The following MPV17L variants were observed in gnomAD, a reference collection of about 807,000 sequenced individuals.
MPV17L encodes MPV17 mitochondrial inner membrane protein like.
MPV17L carries 24 observed loss-of-function variants against 25.8 expected under a neutral mutation model. That is an observed-to-expected ratio of 0.93 (90% CI 0.67 to 1.31). The LOEUF (loss-of-function observed/expected upper bound fraction) is 1.31. Ranked by LOEUF, MPV17L falls within the 50% of genes most tolerant of loss-of-function variation. The pLI is 0.00. For missense variants in MPV17L, 250 were observed against 265.6 expected, an observed-to-expected ratio of 0.94 and a Z score of 0.41; for synonymous variants, 102 against 115.3, an observed-to-expected ratio of 0.88 and a Z score of 0.74.
chr16:15,413,189 G>T lies in MPV17L; in HGVS notation c.*5077G>T, dbSNP rs1162479266. The T allele has an allele frequency of 3.3e-5, 5 of 152,128 alleles. No homozygotes were observed. The highest frequency in any genetic ancestry group is 7.4e-5 in the Non-Finnish European group (5 of 68,018). The allele number at this position is 152,128 out of a possible 1,614,324, so 9.4% of individuals were successfully genotyped here. A position where few individuals can be genotyped will look rare whatever the true frequency, so the allele number is the denominator to read the frequency against. On this transcript the variant is annotated 3_prime_UTR_variant, in exon 4 of 4. Coordinates refer to ENST00000396385, the MANE Select transcript of MPV17L (RefSeq NM_001128423.2). ...TTTTGTGCCTGAAGATTTTGATGTT[G>T]CATTTGGCTACATTTAATCCACTTT...
At position 15,409,842 on chromosome 16, in the gene MPV17L, A is replaced by G. The variant is rs1366932603; in HGVS notation, c.*1730A>G. ...AAGTACATTTTTTATTATCAAAAAC[A>G]GAGTAGTGTATGATTGGCGTATTCT... On this transcript the variant is annotated 3_prime_UTR_variant, in exon 4 of 4. Transcript: ENST00000396385. The G allele has an allele frequency of 6.6e-6, 1 of 152,238 alleles. No homozygotes were observed. Among genetic ancestry groups the G allele is most frequent in the Non-Finnish European group, 1.5e-5 (1 of 68,046 alleles). 9.4% of individuals were successfully genotyped at this position (152,238 alleles called of 1,614,324 possible).
chr16:15,406,833 G>A (rs2050684837), intron 2 of MPV17L, among the ~76,000 whole-genome samples: 1 of 152,118 alleles, frequency 6.6e-6, no homozygotes, highest in Non-Finnish European at 1.5e-5. Context: ...AGCTGAGGCA[G>A]GAGAACTGCT....
In MPV17L at chr16:15,401,058, GTATATATATA is replaced by G. The variant is rs548012835; in HGVS notation, c.381+221_381+230del. 6.1e-3 allele frequency among the ~76,000 whole-genome samples: 268 copies of G among 44,230 alleles called. 19 individuals carry two copies. The highest frequency in any genetic ancestry group is 7.0e-3 in the South Asian group (6 of 862). The allele number at this position is 44,230 out of a possible 152,430, so 29.0% of individuals were successfully genotyped here. On this transcript the variant is annotated intron_variant, in intron 2 of 3. Transcript: ENST00000396385. ...TCAGGATTTTTTTGTATGTGTGTGTGTATATATATATATATATATATATATATATTTTTTT... is the reference window on the plus strand; with the variant it reads ...TCAGGATTTTTTTGTATGTGTGTGTGTATATATATATATATATATTTTTTT...
In MPV17L at chr16:15,401,080, ATATATATT is replaced by A. The variant is rs1247986163; in HGVS notation, c.381+225_381+232del. On this transcript the variant is annotated intron_variant, in intron 2 of 3. Transcript: ENST00000396385. ...TGTGTATATATATATATATATATAT[ATATATATT>A]TTTTTTTTTTTTTTTTTTTTTTTAA... 5.1e-4 allele frequency among the ~76,000 whole-genome samples: 17 copies of A among 33,088 alleles called. No homozygotes were observed. The South Asian group carries it at 5.7e-3, about 11-fold the overall frequency. The allele number at this position is 33,088 out of a possible 152,430, so 21.7% of individuals were successfully genotyped here. A position where few individuals can be genotyped will look rare whatever the true frequency, so the allele number is the denominator to read the frequency against.
chr16:15,412,561 A>T lies in MPV17L; in HGVS notation c.*4449A>T, dbSNP rs2050742057. The T allele has an allele frequency of 1.3e-5, 2 of 151,178 alleles. No individual in the cohort carries two copies. The highest frequency in any genetic ancestry group is 2.9e-5 in the Non-Finnish European group (2 of 67,890). The allele number at this position is 151,178 out of a possible 1,614,324, so 9.4% of individuals were successfully genotyped here. ...TGTAGACAGTCTCTTTAATAGAGAGATTATCTGGAACTGCAATTTTTTTTT... is the reference window on the plus strand; with the variant it reads ...TGTAGACAGTCTCTTTAATAGAGAGTTTATCTGGAACTGCAATTTTTTTTT... On this transcript the variant is annotated 3_prime_UTR_variant, in exon 4 of 4. Transcript: ENST00000396385.
intron 2 of MPV17L, among the ~76,000 whole-genome samples, chr16:15,404,020 G>T (rs1000704784): frequency 6.6e-6 from 1 of 151,686 alleles, no homozygotes; most frequent in African/African-American, 2.4e-5. Context: ...ACAAAAATTA[G>T]CATGAGCCCA....
At chr16:15,398,648 A>G (rs554067635) in intron 1 of MPV17L, among the ~76,000 whole-genome samples, 2 of 145,126 alleles carry the variant, frequency 1.4e-5, no homozygotes, top group South Asian at 4.3e-4. Context: ...GAGTGCAATG[A>G]CACAATCTCA....
chr16:15,408,392 A>T lies in MPV17L; in HGVS notation c.*280A>T, dbSNP rs917906039. ...TTATTAATATTTCTAATATTTTAAC[A>T]CAAGTTTCAGGAAACTTGGTTTTGA... On this transcript the variant is annotated 3_prime_UTR_variant, in exon 4 of 4. Transcript: ENST00000396385. The T allele has an allele frequency of 3.7e-6, 1 of 269,158 alleles. No homozygotes were observed. The highest frequency in any genetic ancestry group is 6.9e-6 in the Non-Finnish European group (1 of 144,400). The allele number at this position is 269,158 out of a possible 1,614,324, so 16.7% of individuals were successfully genotyped here. A position where few individuals can be genotyped will look rare whatever the true frequency, so the allele number is the denominator to read the frequency against.
chr16:15,411,122 CT>C lies in MPV17L; in HGVS notation c.*3011del, dbSNP rs1179734449. On this transcript the variant is annotated 3_prime_UTR_variant, in exon 4 of 4. Coordinates refer to ENST00000396385, the MANE Select transcript of MPV17L (RefSeq NM_001128423.2). Reference sequence around the variant, plus strand: ...TGGCGGGCGCCTGTAGTCCCAGCTGCTCTGGAGGCTGAGGCAGGAGAATTGC... The same window carrying C: ...TGGCGGGCGCCTGTAGTCCCAGCTGCCTGGAGGCTGAGGCAGGAGAATTGC... 3 of 152,256 alleles carry C rather than the reference CT, an allele frequency of 2.0e-5. No homozygotes were observed. The highest frequency in any genetic ancestry group is 7.2e-5 in the African/African-American group (3 of 41,428). 9.4% of individuals were successfully genotyped at this position (152,256 alleles called of 1,614,324 possible). A position where few individuals can be genotyped will look rare whatever the true frequency, so the allele number is the denominator to read the frequency against.
chr16:15,398,463 T>C (rs928910002), intron 1 of MPV17L, among the ~76,000 whole-genome samples: 2 of 152,168 alleles, frequency 1.3e-5, no homozygotes, highest in African/African-American at 4.8e-5. Context: ...TTTGACAGTT[T>C]GCCTGAAACT....
At chr16:15,407,596 G>C (rs1446932215) in intron 2 of MPV17L, among the ~76,000 whole-genome samples, 1 of 152,070 alleles carries the variant, frequency 6.6e-6, no homozygotes, top group African/African-American at 2.4e-5. Flanking sequence ...ACAAAAATTA[G>C]CCAGGTGAGG....
intron 2 of MPV17L, among the ~76,000 whole-genome samples, chr16:15,405,374 G>GA (rs796083571): frequency 0.015 from 1,495 of 97,962 alleles, 10 homozygotes; most frequent in African/African-American, 0.019. Context: ...TCTGTATTAA[G>GA]AAAAAAAAAA....
At chr16:15,402,289 T>C (rs1033997337) in intron 2 of MPV17L, among the ~76,000 whole-genome samples, 3 of 152,232 alleles carry the variant, frequency 2.0e-5, no homozygotes, top group Non-Finnish European at 2.9e-5. Context: ...GGTTTTCATC[T>C]CTGCCCTAGA....
intron 2 of MPV17L, among the ~76,000 whole-genome samples, chr16:15,401,743 C>T (rs891649085): frequency 6.6e-6 from 1 of 151,984 alleles, no homozygotes; most frequent in Non-Finnish European, 1.5e-5. Context: ...TCACTTGAAC[C>T]TGGAGACAGG....
chr16:15,405,773 G>A (rs1251410588), intron 2 of MPV17L, among the ~76,000 whole-genome samples: 3 of 151,802 alleles, frequency 2.0e-5, no homozygotes, highest in South Asian at 4.2e-4. Context: ...GGCCAGGCTC[G>A]GTGTCTCACG....
At chr16:15,398,297 C>A (rs1486471159) in intron 1 of MPV17L, among the ~76,000 whole-genome samples, 1 of 151,694 alleles carries the variant, frequency 6.6e-6, no homozygotes, top group Admixed American at 6.6e-5. Flanking sequence ...GCCCATTTGG[C>A]CTCCCAAAGT....
intron 2 of MPV17L, among the ~76,000 whole-genome samples, chr16:15,403,783 T>G (rs1476236983): frequency 6.7e-6 from 1 of 150,348 alleles, no homozygotes; most frequent in African/African-American, 2.4e-5. Flanking sequence ...AAAAAAAAAC[T>G]GGTTACAATG....
At chr16:15,401,771 C>T (rs1302007030) in intron 2 of MPV17L, among the ~76,000 whole-genome samples, 2 of 151,898 alleles carry the variant, frequency 1.3e-5, no homozygotes, top group Admixed American at 6.6e-5. Context: ...GAGCCGAGAT[C>T]GCACCACTGC....
At chr16:15,407,801 C>CTTT (rs200953251) in intron 2 of MPV17L, 23 bp from the exon 3 acceptor site, 202 of 1,320,638 alleles carry the variant, frequency 1.5e-4, no homozygotes, top group African/African-American at 4.9e-4. Flanking sequence ...AAAGTTGTTG[C>CTTT]TTTTTTTTTT....
Sources: allele counts gnomAD v4.1 joint callset (sites outside exome capture counted in the v4.1 genomes callset), GRCh38; gene constraint gnomAD v4.1.1; transcripts MANE v1.5; gene names NCBI Gene and HGNC (gene_info 2026-07-23, HGNC 2026-07-21).